ATG10: variants seen among roughly 807,000 people sequenced by gnomAD.
The protein encoded by ATG10 is ubiquitin-like-conjugating enzyme ATG10.
In ATG10, 30 loss-of-function variants were observed where a neutral mutation model predicts 32.1. The observed-to-expected ratio is 0.94, with a 90% CI of 0.70 to 1.27. The LOEUF is 1.27. ATG10 is among the 50% of genes most tolerant of loss of function. The probability of loss-of-function intolerance (pLI) is 0.00; values close to 1 mark genes in which losing one functional copy is unlikely to be tolerated. For missense variants in ATG10, 233 were observed against 262.3 expected (o/e 0.89, Z 0.77); for synonymous variants, 87 against 91.5 (o/e 0.95, Z 0.28).
chr5:82,162,604 G>A (rs1305155077), intron 3 of ATG10, among the ~76,000 whole-genome samples: 1 of 152,070 alleles, frequency 6.6e-6, no homozygotes, highest in Non-Finnish European at 1.5e-5. Flanking sequence ...ATTCATTGCA[G>A]CCTTATTTGT....
intron 4 of ATG10, 150 bp downstream of exon 4, chr5:82,164,687 C>T (rs1743508298): frequency 1.4e-6 from 1 of 709,364 alleles, no homozygotes; most frequent in Non-Finnish European, 2.3e-6. Flanking sequence ...TAAATTTTCT[C>T]ATGCTTCAGA....
At chr5:82,110,068 T>C (rs1041620325) in intron 3 of ATG10, among the ~76,000 whole-genome samples, 186 of 152,022 alleles carry the variant, frequency 1.2e-3, no homozygotes, top group African/African-American at 4.3e-3. Context: ...TTTGTCCTTG[T>C]GACAGTTTGC....
chr5:82,158,918 A>T (rs1767916184), intron 3 of ATG10, among the ~76,000 whole-genome samples: 1 of 152,036 alleles, frequency 6.6e-6, no homozygotes, highest in Non-Finnish European at 1.5e-5. Flanking sequence ...GGTGTGGGAG[A>T]TATTTCAGTG....
chr5:82,139,940 G>C (rs1767003386), intron 3 of ATG10, among the ~76,000 whole-genome samples: 1 of 135,436 alleles, frequency 7.4e-6, no homozygotes, highest in Non-Finnish European at 1.6e-5. Context: ...GAGGGAGGTG[G>C]GGGGGTCAGC....
At chr5:82,034,011 C>CTA (rs892531300) in intron 2 of ATG10, among the ~76,000 whole-genome samples, 3 of 146,208 alleles carry the variant, frequency 2.1e-5, no homozygotes, top group African/African-American at 2.5e-5. Flanking sequence ...TATATATGTA[C>CTA]TATATATATA....
At chr5:82,012,380 A>T (rs529896451) in intron 2 of ATG10, among the ~76,000 whole-genome samples, 2 of 152,292 alleles carry the variant, frequency 1.3e-5, no homozygotes, top group Admixed American at 1.3e-4. Flanking sequence ...AAACTAGCTC[A>T]TTTGAGCATC....
At chr5:82,130,369 C>T (rs902718606) in intron 3 of ATG10, among the ~76,000 whole-genome samples, 13 of 152,014 alleles carry the variant, frequency 8.6e-5, no homozygotes, top group African/African-American at 2.9e-4. Flanking sequence ...GTCTCGCTGG[C>T]GTTCCAGGTG....
intron 3 of ATG10, among the ~76,000 whole-genome samples, chr5:82,156,044 T>A (rs1767784936): frequency 6.6e-6 from 1 of 151,812 alleles, no homozygotes. Context: ...AGGAAATTTT[T>A]ATATAGGAGA....
intron 2 of ATG10, among the ~76,000 whole-genome samples, chr5:82,023,317 C>T (rs1561259720): frequency 1.3e-5 from 2 of 151,738 alleles, no homozygotes; most frequent in Admixed American, 1.3e-4. Flanking sequence ...CACATGTAAT[C>T]ATGAGTGTTT....
rs533824330 is a variant in ATG10, at chr5:82,250,700, G to T, written c.454-1862G>T. On this transcript the variant is annotated intron_variant, in intron 5 of 7. Coordinates refer to ENST00000282185, the MANE Select transcript of ATG10 (RefSeq NM_031482.5). ...CTGGATTATCTTATTTATTCGTTCT[G>T]TGTGTTTATTGGCTGTCTCCTGCAC... is the stretch of plus-strand genomic sequence containing the variant. 3.3e-5 allele frequency among the ~76,000 whole-genome samples: 5 copies of T among 152,212 alleles called. No individual in the cohort carries two copies. In the East Asian group the frequency reaches 9.7e-4, roughly 29 times the overall value.
At chr5:82,142,363 G>A (rs1430339865) in intron 3 of ATG10, among the ~76,000 whole-genome samples, 4 of 152,184 alleles carry the variant, frequency 2.6e-5, no homozygotes, top group African/African-American at 4.8e-5. Context: ...AGTGGAGGCA[G>A]GGTTTGAGTT....
At chr5:82,010,971 A>G (rs963698037) in intron 2 of ATG10, among the ~76,000 whole-genome samples, 2 of 152,232 alleles carry the variant, frequency 1.3e-5, no homozygotes, top group African/African-American at 4.8e-5. Context: ...CCAAGGTAAC[A>G]ATTGACTTGT....
intron 3 of ATG10, among the ~76,000 whole-genome samples, chr5:82,131,590 GA>G (rs1342016760): frequency 6.6e-6 from 1 of 151,008 alleles, no homozygotes; most frequent in Non-Finnish European, 1.5e-5. Context: ...CAAGATTTTT[GA>G]AAAGAATCCA....
intron 3 of ATG10, among the ~76,000 whole-genome samples, chr5:82,062,278 G>A (rs192698988): frequency 4.6e-5 from 7 of 152,088 alleles, no homozygotes; most frequent in Admixed American, 6.6e-5. Context: ...GAATGGAATC[G>A]GATGATAAAC....
intron 3 of ATG10, among the ~76,000 whole-genome samples, chr5:82,061,291 T>G (rs1024626628): frequency 2.0e-5 from 3 of 152,186 alleles, no homozygotes; most frequent in Non-Finnish European, 4.4e-5. Context: ...ACATGTAATA[T>G]TCACATAAGG....
At chr5:82,061,912 A>T (rs753422379) in intron 3 of ATG10, among the ~76,000 whole-genome samples, 1 of 137,902 alleles carries the variant, frequency 7.3e-6, no homozygotes, top group African/African-American at 2.7e-5. Context: ...TCACTGAATC[A>T]TCTAATTCCT....
chr5:81,982,228 TG>T (rs1761069586), intron 1 of ATG10, among the ~76,000 whole-genome samples: 1 of 151,880 alleles, frequency 6.6e-6, no homozygotes, highest in African/African-American at 2.4e-5. Context: ...GAGGCCGAGG[TG>T]GGGTGGTGGG....
At chr5:82,197,028 G>A (rs918289403) in intron 5 of ATG10, among the ~76,000 whole-genome samples, 2 of 152,014 alleles carry the variant, frequency 1.3e-5, no homozygotes, top group African/African-American at 4.8e-5. Flanking sequence ...TCATCAATAC[G>A]GAATGTCTTT....
intron 3 of ATG10, among the ~76,000 whole-genome samples, chr5:82,158,397 A>G (rs781672768): frequency 3.0e-4 from 45 of 150,264 alleles, no homozygotes; most frequent in Non-Finnish European, 5.3e-4. Context: ...GATTTAGACA[A>G]CCAGGATCAA....
Sources: allele counts gnomAD v4.1 joint callset (sites outside exome capture counted in the v4.1 genomes callset), GRCh38; gene constraint gnomAD v4.1.1; transcripts MANE v1.5; gene names NCBI Gene and HGNC (gene_info 2026-07-23, HGNC 2026-07-21).